ARHGAP39: variants seen among roughly 807,000 people sequenced by gnomAD.
ARHGAP39 encodes the protein Rho GTPase activating protein 39, also known as rho GTPase-activating protein 39.
ARHGAP39 carries 44 observed loss-of-function variants against 106.9 expected under a neutral mutation model. That is an observed-to-expected ratio of 0.41 (90% confidence interval 0.32 to 0.53). The LOEUF is 0.53. Ranked by LOEUF, ARHGAP39 falls within the 20% of genes least tolerant of loss-of-function variation. The pLI is 0.21. For missense variants in ARHGAP39, 1,496 were observed against 1,577.3 expected (o/e 0.95, Z 0.87); for synonymous variants, 768 against 693.2 (o/e 1.11, Z -1.69).
intron 3 of ARHGAP39, among the ~76,000 whole-genome samples, chr8:144,566,683 C>T (rs183755732): frequency 9.9e-5 from 15 of 152,070 alleles, no homozygotes; most frequent in Non-Finnish European, 1.8e-4. Flanking sequence ...TGGTGAAACG[C>T]CGGCTCTACT....
At chr8:144,635,521 C>T (rs909190508) in intron 1 of ARHGAP39, among the ~76,000 whole-genome samples, 4 of 152,184 alleles carry the variant, frequency 2.6e-5, no homozygotes, top group African/African-American at 9.7e-5. Flanking sequence ...TGTAAGCTTC[C>T]CAAAATTCTA....
Position 144,530,450 on chromosome 8 carries a change from T to C in ARHGAP39, c.3317A>G (p.Asp1106Gly). Reference protein sequence around the residue: ...SFLRVLIQHLDTSFMEGVL With the variant: ...SFLRVLIQHLGTSFMEGVL ...CAGCACACCCTCCATGAAGCTGGTGTCCAGGTGCTGGATGAGCACCCGCAG... is the reference window on the plus strand; with the variant it reads ...CAGCACACCCTCCATGAAGCTGGTGCCCAGGTGCTGGATGAGCACCCGCAG... Residue 1106 changes from aspartate (D) to glycine (G), a missense_variant, in exon 12 of 12, where the codon GAC becomes GGC. By Grantham distance (94) the Asp-to-Gly change is moderately conservative. Coordinates refer to ENST00000377307, the MANE Select transcript of ARHGAP39 (RefSeq NM_025251.3). 6.2e-7 allele frequency: 1 copy of C among 1,609,560 alleles called. No individual in the cohort carries two copies. The highest frequency in any genetic ancestry group is 1.1e-5 in the South Asian group (1 of 90,620).
At chr8:144,676,099 T>C (rs1444698619) in intron 1 of ARHGAP39, among the ~76,000 whole-genome samples, 1 of 152,152 alleles carries the variant, frequency 6.6e-6, no homozygotes, top group Non-Finnish European at 1.5e-5. Context: ...CAAGATTTAG[T>C]GCGAAGAGCA....
chr8:144,676,821 G>A (rs1176395109), intron 1 of ARHGAP39, among the ~76,000 whole-genome samples: 2 of 152,278 alleles, frequency 1.3e-5, no homozygotes, highest in East Asian at 1.9e-4. Context: ...GGCCCCCACA[G>A]CGCAGCAGCT....
chr8:144,690,480 T>A (rs916223512), upstream of ARHGAP39, among the ~76,000 whole-genome samples: 1 of 151,946 alleles, frequency 6.6e-6, no homozygotes, highest in Non-Finnish European at 1.5e-5. Context: ...TGTTAATTTC[T>A]GTTTTTTTTT....
chr8:144,547,411 G>C lies in ARHGAP39; in HGVS notation c.1675C>G (p.Leu559Val). The C allele has an allele frequency of 6.3e-7, 1 of 1,591,006 alleles. No individual in the cohort carries two copies. Residue 559 changes from leucine to valine, a missense_variant, in exon 5 of 12, where the codon CTG becomes GTG. Transcript: ENST00000377307. The surrounding 1 kb of genome is among the most constrained non-coding windows in gnomAD (Gnocchi z 5.2). ...TGGGCCTGCTGCGCCTCCCAGGCCA[G>C]CCGAGCCTGCGCCAGGAAGGGCTCG... ...AAEPFLAQAR[L>V]AWEAQQAHFH...
At chr8:144,689,814 C>T (rs1822708171), upstream of ARHGAP39, among the ~76,000 whole-genome samples, 1 of 140,582 alleles carries the variant, frequency 7.1e-6, no homozygotes, top group African/African-American at 2.7e-5. Flanking sequence ...GGCGTGATCT[C>T]AGCTCACCGC....
intron 2 of ARHGAP39, among the ~76,000 whole-genome samples, chr8:144,582,841 C>T (rs374217436): frequency 2.0e-3 from 309 of 152,292 alleles, no homozygotes; most frequent in African/African-American, 6.8e-3. Flanking sequence ...ACTCCTGAGG[C>T]CCGCCTGTGG....
chr8:144,677,288 C>T (rs1419061299), intron 1 of ARHGAP39, among the ~76,000 whole-genome samples: 1 of 152,198 alleles, frequency 6.6e-6, no homozygotes, highest in Non-Finnish European at 1.5e-5. Flanking sequence ...AAAGAACACA[C>T]AAAAGGTGAA....
rs750579993 is a variant in ARHGAP39 at position 144,547,842 on chromosome 8, C to G, written c.1244G>C (p.Arg415Pro). The change falls in exon 5 of 12, where the codon CGG (arginine) becomes CCG (proline). Residue 415 changes from arginine (R) to proline (P), a missense_variant. By Grantham distance (103) the Arg-to-Pro change is moderately radical (BLOSUM62 -2). Transcript: ENST00000377307. The surrounding 1 kb of genome is among the most constrained non-coding windows in gnomAD (Gnocchi z 5.2). The part of the protein sequence containing the change: ...GSSPKLRAGP[R>P]HKYAPNPGGG... Reference sequence around the variant, plus strand: ...GCCGGGGTTGGGCGCGTACTTGTGCCGCGGGCCGGCGCGCAGCTTGGGGCT... The same window carrying G: ...GCCGGGGTTGGGCGCGTACTTGTGCGGCGGGCCGGCGCGCAGCTTGGGGCT... 3 of 1,586,022 alleles carry G rather than the reference C, an allele frequency of 1.9e-6. No individual in the cohort carries two copies. Among genetic ancestry groups the G allele is most frequent in the Non-Finnish European group, 2.6e-6 (3 of 1,167,080 alleles).
intron 2 of ARHGAP39, among the ~76,000 whole-genome samples, chr8:144,583,237 CT>C (rs1269747001): frequency 2.6e-5 from 4 of 152,248 alleles, no homozygotes; most frequent in Non-Finnish European, 5.9e-5. Flanking sequence ...AGCTGTGCCA[CT>C]TTTGATACCA....
Position 144,591,212 on chromosome 8 carries a change from G to C in ARHGAP39, c.81-9935C>G, listed in dbSNP as rs1208888158. ...CATACACCTCCTCTCCCCAGCCGGA[G>C]CCTGGACCCCAATGGACAGCTGCTC... On this transcript the variant is annotated intron_variant, in intron 2 of 11. Transcript: ENST00000377307. This position sits in a 1 kb window ranked among gnomAD's most constrained non-coding sequence, Gnocchi z 5.3. 6.6e-6 allele frequency among the ~76,000 whole-genome samples: 1 copy of C among 152,188 alleles called. No homozygotes were observed. The highest frequency in any genetic ancestry group is 1.5e-5 in the Non-Finnish European group (1 of 68,044).
intron 1 of ARHGAP39, among the ~76,000 whole-genome samples, chr8:144,683,927 T>C (rs888690370): frequency 7.2e-5 from 11 of 152,204 alleles, no homozygotes; most frequent in Admixed American, 2.0e-4. Flanking sequence ...TAAAACACAG[T>C]GTGCCACGAA....
rs536377560 is a variant in ARHGAP39 at position 144,675,241 on chromosome 8, A to AT, written c.-82+10444dup. ...ATGTCTCCAGCTTCTTTCACTTAGC[A>AT]TTTTTTTTTTGAGACAGAGTCTTAC... On this transcript the variant is annotated intron_variant, in intron 1 of 11. Coordinates refer to ENST00000377307, the MANE Select transcript of ARHGAP39 (RefSeq NM_025251.3). Among the ~76,000 whole-genome samples, 222 of 149,456 alleles carry AT rather than the reference A, an allele frequency of 1.5e-3. 1 individual carries two copies. The highest frequency in any genetic ancestry group is 4.4e-3 in the African/African-American group (178 of 40,866).
chr8:144,545,735 C>G lies in ARHGAP39; in HGVS notation c.2035G>C (p.Val679Leu). 6.2e-7 allele frequency: 1 copy of G among 1,612,000 alleles called. No homozygotes were observed. Among genetic ancestry groups the G allele is most frequent in the Non-Finnish European group, 8.5e-7 (1 of 1,179,660 alleles). ...SRSGVPSSSC[V>L]FPTFTLRKPS... ...TTGCGCAGCGTGAAAGTGGGGAAGA[C>G]GCAGCTGGAGCTGGGAACGCCGCTG... The change falls in exon 6 of 12, where the codon GTC becomes CTC. Residue 679 changes from valine to leucine, a missense_variant. Transcript: ENST00000377307.
chr8:144,678,824 T>C (rs906101924), intron 1 of ARHGAP39, among the ~76,000 whole-genome samples: 14 of 152,166 alleles, frequency 9.2e-5, no homozygotes, highest in Admixed American at 2.6e-4. Flanking sequence ...GGGAGATCAC[T>C]GCCCTGTTTA....
intron 1 of ARHGAP39, among the ~76,000 whole-genome samples, chr8:144,639,762 A>G (rs1167664843): frequency 6.6e-6 from 1 of 152,164 alleles, no homozygotes; most frequent in Non-Finnish European, 1.5e-5. Flanking sequence ...TGATGCTGAC[A>G]CAAACAGGCC....
chr8:144,609,731 G>C (rs747997586), intron 1 of ARHGAP39, among the ~76,000 whole-genome samples: 3 of 151,910 alleles, frequency 2.0e-5, no homozygotes, highest in Non-Finnish European at 4.4e-5. Context: ...TTCTCAAATG[G>C]GATTGGCTAA....
chr8:144,607,259 A>G (rs1820328439), intron 1 of ARHGAP39, among the ~76,000 whole-genome samples: 1 of 150,872 alleles, frequency 6.6e-6, no homozygotes, highest in South Asian at 2.1e-4. Flanking sequence ...AAAAAAAAAA[A>G]GCCAGACACA....
Sources: gnomAD v4.1 joint callset for allele counts (sites outside exome capture counted in the v4.1 genomes callset) on GRCh38, gnomAD v4.1.1 for gene constraint, Gnocchi (gnomAD v3.1) non-coding constraint, MANE v1.5 for transcripts, NCBI Gene and HGNC (gene_info 2026-07-23, HGNC 2026-07-21) for gene names.